The following SLC38A1 variants were observed in gnomAD, a reference collection of about 807,000 sequenced individuals.
The protein encoded by SLC38A1 is solute carrier family 38 member 1.
A neutral mutation model predicts 60.3 loss-of-function variants in SLC38A1; 18 were observed. That is an observed-to-expected ratio of 0.30 (90% CI 0.21 to 0.44). SLC38A1 has a LOEUF of 0.44. SLC38A1 is among the 20% of genes least tolerant of loss of function. SLC38A1 has a pLI of 1.00. For synonymous variants in SLC38A1, 196 were observed against 212.1 expected (o/e 0.92, Z 0.66); for missense variants, 448 against 587.2 (o/e 0.76, Z 2.45).
At chr12:46,251,127 G>A (rs1161761227) in intron 1 of SLC38A1, among the ~76,000 whole-genome samples, 1 of 152,194 alleles carries the variant, frequency 6.6e-6, no homozygotes, top group Admixed American at 6.5e-5. Flanking sequence ...AAACAGCATG[G>A]TACTGGTACC....
intron 5 of SLC38A1, among the ~76,000 whole-genome samples, chr12:46,227,417 A>G (rs1940909677): frequency 6.6e-6 from 1 of 152,178 alleles, no homozygotes. Flanking sequence ...TCCAAAATTA[A>G]AGCTACCCTT....
rs1938898883 is a variant in SLC38A1, at chr12:46,185,358, G to A, written c.*3612C>T. 6.6e-6 allele frequency: 1 copy of A among 152,096 alleles called. No individual in the cohort carries two copies. Among genetic ancestry groups the A allele is most frequent in the South Asian group, 2.1e-4 (1 of 4,820 alleles). The allele number at this position is 152,096 out of a possible 1,614,324, so 9.4% of individuals were successfully genotyped here. A position where few individuals can be genotyped will look rare whatever the true frequency, so the allele number is the denominator to read the frequency against. ...AGTCTTAGGTGCTCGCCGAAGCACTGAGGAATCTTACCACAACCCTGTGTC... is the reference window on the plus strand; with the variant it reads ...AGTCTTAGGTGCTCGCCGAAGCACTAAGGAATCTTACCACAACCCTGTGTC... On this transcript the variant is annotated 3_prime_UTR_variant, in exon 17 of 17. Coordinates refer to ENST00000398637, the MANE Select transcript of SLC38A1 (RefSeq NM_030674.4).
rs530435131 is a variant in SLC38A1, at chr12:46,261,894, G to T, written c.-209+6632C>A. On this transcript the variant is annotated intron_variant, in intron 1 of 16. Transcript: ENST00000398637. ...TTGGCAATGCCTGGAGACATTTTGG[G>T]TTGCAGTAAGTGAGGGGGTGCTGCA... 1.4e-4 allele frequency among the ~76,000 whole-genome samples: 21 copies of T among 152,320 alleles called. No homozygotes were observed. In the South Asian group the frequency reaches 4.3e-3, roughly 32 times the overall value.
chr12:46,189,878 G>T lies in SLC38A1; in HGVS notation c.1363-807C>A, dbSNP rs150036626. Among the ~76,000 whole-genome samples the T allele has an allele frequency of 1.8e-3, 278 of 152,206 alleles. 2 individuals carry two copies. Among genetic ancestry groups the T allele is most frequent in the Middle Eastern group, 6.8e-3 (2 of 294 alleles). ...CCGCTATGATTGTGAGGCCTCCCCA[G>T]TCATGTGGAATTGTGAGTCAATTAA... On this transcript the variant is annotated intron_variant, in intron 16 of 16. Coordinates refer to ENST00000398637, the MANE Select transcript of SLC38A1 (RefSeq NM_030674.4).
In SLC38A1 at chr12:46,198,006, G is replaced by A. The variant is rs1939465645; in HGVS notation, c.1177C>T (p.His393Tyr). 6.2e-7 allele frequency: 1 copy of A among 1,613,838 alleles called. No homozygotes were observed. Among genetic ancestry groups the A allele is most frequent in the East Asian group, 2.2e-5 (1 of 44,840 alleles). ...AKKTKFNLCR[H>Y]TVVTCILLVV... is the part of the protein sequence containing the mutation. Reference sequence around the variant, plus strand: ...AAGAGTATGCAGGTAACCACGGTATGACGACATAAATTAAACTTTGTTTTC... The same window carrying A: ...AAGAGTATGCAGGTAACCACGGTATAACGACATAAATTAAACTTTGTTTTC... Residue 393 changes from histidine to tyrosine, a missense_variant, in exon 15 of 17, where the codon CAT becomes TAT. Transcript: ENST00000398637.
intron 1 of SLC38A1, among the ~76,000 whole-genome samples, chr12:46,254,577 T>C (rs756382490): frequency 2.6e-5 from 4 of 152,216 alleles, no homozygotes; most frequent in Admixed American, 6.5e-5. Flanking sequence ...CAAATACCTA[T>C]GAGTTGGGTA....
In SLC38A1 at chr12:46,185,491, T is replaced by A. The variant is rs1161362628; in HGVS notation, c.*3479A>T. 2 of 152,032 alleles carry A rather than the reference T, an allele frequency of 1.3e-5. No homozygotes were observed. Among genetic ancestry groups the A allele is most frequent in the Non-Finnish European group, 2.9e-5 (2 of 68,018 alleles). The allele number at this position is 152,032 out of a possible 1,614,324, so 9.4% of individuals were successfully genotyped here. A position where few individuals can be genotyped will look rare whatever the true frequency, so the allele number is the denominator to read the frequency against. On this transcript the variant is annotated 3_prime_UTR_variant, in exon 17 of 17. Transcript: ENST00000398637. ...GGAGAGGTTTTTTTTTCCCCCTTTT[T>A]TCTTGTTTTCTAACCTCCCAGCTTA...
chr12:46,256,895 C>G (rs1942049022), intron 1 of SLC38A1, among the ~76,000 whole-genome samples: 1 of 152,202 alleles, frequency 6.6e-6, no homozygotes, highest in Non-Finnish European at 1.5e-5. Context: ...TTGCCCCCAT[C>G]ATTGTTAATC....
At chr12:46,238,830 C>T (rs928611726) in intron 3 of SLC38A1, among the ~76,000 whole-genome samples, 1 of 152,206 alleles carries the variant, frequency 6.6e-6, no homozygotes, top group African/African-American at 2.4e-5. Context: ...CAGTTGTGGT[C>T]GCTTTCCTTC....
At chr12:46,204,671 T>C in intron 9 of SLC38A1, 81 bp from the exon 10 acceptor site, 1 of 1,061,820 alleles carries the variant, frequency 9.4e-7, no homozygotes, top group Non-Finnish European at 1.4e-6. Flanking sequence ...TAAACTGTTA[T>C]TATTTCAAAA....
intron 9 of SLC38A1, among the ~76,000 whole-genome samples, 162 bp from the exon 10 acceptor site, chr12:46,204,752 C>T (rs1057155160): frequency 2.6e-5 from 4 of 151,942 alleles, no homozygotes; most frequent in Non-Finnish European, 5.9e-5. Flanking sequence ...ACATACATGC[C>T]CAAGTGAATA....
In SLC38A1 at chr12:46,243,183, A is replaced by G. The variant is rs990482374; in HGVS notation, c.-94+17T>C. The stretch of plus-strand genomic sequence containing the variant: ...TTTTTCAAATGGAATAAAATGAGCA[A>G]AAAGAAAAAAGTTCACCTGTTAGCT... On this transcript the variant is annotated intron_variant, in intron 2 of 16. Transcript: ENST00000398637. 1.3e-5 allele frequency: 2 copies of G among 152,044 alleles called. No individual in the cohort carries two copies. Among genetic ancestry groups the G allele is most frequent in the Non-Finnish European group, 2.9e-5 (2 of 67,998 alleles). The allele number at this position is 152,044 out of a possible 1,614,324, so 9.4% of individuals were successfully genotyped here.
intron 8 of SLC38A1, among the ~76,000 whole-genome samples, chr12:46,206,546 T>A (rs1939912132): frequency 6.6e-6 from 1 of 152,178 alleles, no homozygotes; most frequent in African/African-American, 2.4e-5. Flanking sequence ...GAGAAACAAG[T>A]CACTACAGGT....
chr12:46,196,047 AG>A, intron 16 of SLC38A1: 1 of 1,119,314 alleles, frequency 8.9e-7, no homozygotes, highest in Non-Finnish European at 1.3e-6. Context: ...TCTTGCTGGG[AG>A]CTGCAGACCA....
At chr12:46,209,907 A>G (rs1280176372) in intron 5 of SLC38A1, among the ~76,000 whole-genome samples, 1 of 152,254 alleles carries the variant, frequency 6.6e-6, no homozygotes, top group African/African-American at 2.4e-5. Flanking sequence ...CAGACATGAT[A>G]ATTGAAAATA....
rs569257327 is a variant in SLC38A1, at chr12:46,261,878, C to G, written c.-209+6648G>C. Among the ~76,000 whole-genome samples the G allele has an allele frequency of 2.6e-5, 4 of 152,240 alleles. No homozygotes were observed. In the East Asian group the frequency reaches 7.7e-4, roughly 29 times the overall value. On this transcript the variant is annotated intron_variant, in intron 1 of 16. Transcript: ENST00000398637. ...TGCCCCCAGGAGGTATTTGGCAATGCCTGGAGACATTTTGGGTTGCAGTAA... is the reference window on the plus strand; with the variant it reads ...TGCCCCCAGGAGGTATTTGGCAATGGCTGGAGACATTTTGGGTTGCAGTAA...
chr12:46,244,697 C>T lies in SLC38A1; in HGVS notation c.-208-1383G>A, dbSNP rs73278899. 2.0e-3 allele frequency among the ~76,000 whole-genome samples: 305 copies of T among 152,320 alleles called. 1 individual carries two copies. The highest frequency in any genetic ancestry group is 7.0e-3 in the African/African-American group (291 of 41,568). On this transcript the variant is annotated intron_variant, in intron 1 of 16. Coordinates refer to ENST00000398637, the MANE Select transcript of SLC38A1 (RefSeq NM_030674.4). ...GAAGGAGGCACAGATAGCATTTAAC[C>T]TTAGCAAGCCAGTTGAATGTGTTAT...
At position 46,255,274 on chromosome 12, in the gene SLC38A1, C is replaced by T. The variant is rs187423890; in HGVS notation, c.-208-11960G>A. On this transcript the variant is annotated intron_variant, in intron 1 of 16. Coordinates refer to ENST00000398637, the MANE Select transcript of SLC38A1 (RefSeq NM_030674.4). ...CGATTGACTAGGAAATTTGGGTTAC[C>T]TCTGTGCACACAGTAATTTTATGTA... Among the ~76,000 whole-genome samples the T allele has an allele frequency of 3.3e-4, 50 of 152,326 alleles. 1 individual carries two copies. In the East Asian group the frequency reaches 9.2e-3, roughly 28 times the overall value.
intron 3 of SLC38A1, among the ~76,000 whole-genome samples, chr12:46,233,001 C>T (rs1395193647): frequency 2.0e-5 from 3 of 152,064 alleles, no homozygotes; most frequent in South Asian, 2.1e-4. Context: ...AAATGTATTT[C>T]GTCAAGCTAA....
Sources: allele counts gnomAD v4.1 joint callset (sites outside exome capture counted in the v4.1 genomes callset), GRCh38; gene constraint gnomAD v4.1.1; transcripts MANE v1.5; gene names NCBI Gene and HGNC (gene_info 2026-07-23, HGNC 2026-07-21).